LINGO2: variants seen among roughly 807,000 people sequenced by gnomAD.
LINGO2 encodes the protein leucine rich repeat and Ig domain containing 2, also known as leucine-rich repeat and immunoglobulin-like domain-containing nogo receptor-interacting protein 2.
Under a neutral mutation model 30.6 loss-of-function variants are expected in LINGO2, and 14 were observed. The ratio of observed to expected loss-of-function variants is 0.46; its 90% CI spans 0.30 to 0.72. The LOEUF (loss-of-function observed/expected upper bound fraction) is 0.72, where lower values mean the gene tolerates loss of function less well. Ranked by LOEUF, LINGO2 falls within the 30% of genes least tolerant of loss-of-function variation. LINGO2 has a pLI of 0.07. For missense variants in LINGO2, 729 were observed against 751.7 expected, an observed-to-expected ratio of 0.97 and a Z score of 0.35; for synonymous variants, 317 against 288.5, an observed-to-expected ratio of 1.10 and a Z score of -1.00.
the LINGO2 span, among the ~76,000 whole-genome samples, chr9:29,121,671 G>T: frequency 1.3e-5 from 2 of 151,964 alleles, no homozygotes; most frequent in Admixed American, 1.3e-4. Context: ...CAGACAGAAG[G>T]AGTCCATATG....
chr9:28,040,160 AT>A (rs925152099), intron 4 of LINGO2, among the ~76,000 whole-genome samples: 122 of 151,642 alleles, frequency 8.0e-4, no homozygotes, highest in Non-Finnish European at 1.5e-3. Flanking sequence ...TGCCTTCTTT[AT>A]TTTTTTTGCT....
the LINGO2 span, among the ~76,000 whole-genome samples, chr9:29,089,562 T>C: frequency 6.6e-6 from 1 of 152,126 alleles, no homozygotes; most frequent in Non-Finnish European, 1.5e-5. Flanking sequence ...AAAGTTTATA[T>C]ACTCTCATTC....
chr9:28,453,599 G>C (rs1283607162), intron 2 of LINGO2, among the ~76,000 whole-genome samples: 1 of 151,930 alleles, frequency 6.6e-6, no homozygotes, highest in Non-Finnish European at 1.5e-5. Context: ...TCACTACCTA[G>C]ATTATTGGGA....
chr9:29,050,065 AC>A, the LINGO2 span, among the ~76,000 whole-genome samples: 1 of 151,622 alleles, frequency 6.6e-6, no homozygotes, highest in Non-Finnish European at 1.5e-5. Flanking sequence ...TTGCTGTGTC[AC>A]CCAGGCTTGA....
chr9:28,383,246 A>T (rs1821424827), intron 2 of LINGO2, among the ~76,000 whole-genome samples: 1 of 120,200 alleles, frequency 8.3e-6, no homozygotes, highest in Non-Finnish European at 1.7e-5. Context: ...ACTATAGATC[A>T]CCATTCATTG....
intron 4 of LINGO2, among the ~76,000 whole-genome samples, chr9:28,137,084 G>A (rs1415600939): frequency 1.3e-5 from 2 of 151,826 alleles, no homozygotes; most frequent in East Asian, 3.9e-4. Context: ...GGCTGCCCTG[G>A]GTCTCCAGCT....
At chr9:28,253,032 C>T (rs1281232786) in intron 4 of LINGO2, among the ~76,000 whole-genome samples, 1 of 151,492 alleles carries the variant, frequency 6.6e-6, no homozygotes, top group East Asian at 1.9e-4. Context: ...CAAGTATTTT[C>T]AGAGCAGTTA....
intron 1 of LINGO2, among the ~76,000 whole-genome samples, chr9:28,581,521 A>G (rs978350030): frequency 1.8e-4 from 27 of 151,556 alleles, no homozygotes; most frequent in African/African-American, 6.0e-4. Context: ...TGTGATATAT[A>G]TATAGAATAT....
At chr9:28,645,448 T>C (rs960728223) in intron 1 of LINGO2, among the ~76,000 whole-genome samples, 4 of 152,186 alleles carry the variant, frequency 2.6e-5, no homozygotes, top group African/African-American at 9.6e-5. Context: ...CCTGCGGAAC[T>C]GTTTCTGTAA....
chr9:28,731,446 T>C, the LINGO2 span, among the ~76,000 whole-genome samples: 3 of 152,172 alleles, frequency 2.0e-5, no homozygotes, highest in Non-Finnish European at 4.4e-5. Context: ...AGCCAAAAAG[T>C]TATATATTTT....
chr9:29,019,554 G>A, the LINGO2 span, among the ~76,000 whole-genome samples: 27 of 152,152 alleles, frequency 1.8e-4, no homozygotes, highest in African/African-American at 5.5e-4. Flanking sequence ...CTGTGATATT[G>A]GTCACATTTT....
At chr9:27,949,503 T>C in exon 6 of LINGO2, 1 of 1,614,120 alleles carries the variant, frequency 6.2e-7, no homozygotes, top group Non-Finnish European at 8.5e-7. Flanking sequence ...GAAAGACCTC[T>C]CACGGATGGT....
At chr9:28,798,096 T>C in the LINGO2 span, among the ~76,000 whole-genome samples, 3 of 152,156 alleles carry the variant, frequency 2.0e-5, no homozygotes, top group Non-Finnish European at 4.4e-5. Flanking sequence ...CTGATTTTAG[T>C]GGGTTCAGTA....
the LINGO2 span, among the ~76,000 whole-genome samples, chr9:29,169,344 T>C: frequency 6.6e-6 from 1 of 152,012 alleles, no homozygotes; most frequent in Non-Finnish European, 1.5e-5. Context: ...GTGAGAAGTA[T>C]GCAGTAATCA....
intron 5 of LINGO2, among the ~76,000 whole-genome samples, chr9:27,993,884 A>G (rs74932532): frequency 0.05 from 7,663 of 152,116 alleles, 354 homozygotes; most frequent in Admixed American, 0.1. Context: ...ACATTTTGCA[A>G]TATAGACCAT....
intron 3 of LINGO2, among the ~76,000 whole-genome samples, chr9:28,330,735 CTT>C (rs1338236253): frequency 2.0e-5 from 3 of 152,180 alleles, no homozygotes; most frequent in Non-Finnish European, 4.4e-5. Flanking sequence ...TTCATGCCAT[CTT>C]TTAACATCCT....
chr9:28,111,253 G>A (rs1005597731), intron 4 of LINGO2, among the ~76,000 whole-genome samples: 1 of 152,016 alleles, frequency 6.6e-6, no homozygotes, highest in East Asian at 1.9e-4. Flanking sequence ...GGGGGCTACA[G>A]GAGGTATAGC....
chr9:28,863,631 C>A, the LINGO2 span: 1 of 486,074 alleles, frequency 2.1e-6, no homozygotes, highest in Non-Finnish European at 4.3e-6. Flanking sequence ...ACCTGTGAAG[C>A]ACTATGAATT....
chr9:28,303,577 C>G (rs1824229692), intron 3 of LINGO2, among the ~76,000 whole-genome samples: 1 of 152,116 alleles, frequency 6.6e-6, no homozygotes, highest in Non-Finnish European at 1.5e-5. Context: ...GACTGGAAGC[C>G]TTACTGTAAC....
Sources: allele counts gnomAD v4.1 joint callset (sites outside exome capture counted in the v4.1 genomes callset), GRCh38; gene constraint gnomAD v4.1.1; transcripts MANE v1.5; gene names NCBI Gene and HGNC (gene_info 2026-07-23, HGNC 2026-07-21).